TSHZ2: variants seen among roughly 807,000 people sequenced by gnomAD.
TSHZ2 encodes the protein teashirt zinc finger homeobox 2.
A neutral mutation model predicts 74.4 loss-of-function variants in TSHZ2; 21 were observed. The ratio of observed to expected loss-of-function variants is 0.28; its 90% CI spans 0.20 to 0.41. TSHZ2 has a LOEUF of 0.41. TSHZ2 is among the 10% of genes least tolerant of loss of function. The pLI, the probability that TSHZ2 is intolerant of heterozygous loss-of-function variation, is 1.00. For synonymous variants in TSHZ2, 540 were observed against 515.3 expected (o/e 1.05, Z -0.65); for missense variants, 1,244 against 1,293.5 (o/e 0.96, Z 0.59).
intron 1 of TSHZ2, among the ~76,000 whole-genome samples, chr20:53,211,468 T>A (rs1284036117): frequency 6.6e-6 from 1 of 152,034 alleles, no homozygotes; most frequent in Non-Finnish European, 1.5e-5. Context: ...AATGCTTTAC[T>A]TTTGTAGGGC....
At chr20:53,169,434 T>C (rs1424553813) in intron 1 of TSHZ2, among the ~76,000 whole-genome samples, 3 of 152,194 alleles carry the variant, frequency 2.0e-5, no homozygotes, top group Non-Finnish European at 2.9e-5. Flanking sequence ...GCAAATCTGT[T>C]GGTTTTAATT....
chr20:53,168,834 G>A (rs914421833), intron 1 of TSHZ2: 4 of 152,048 alleles, frequency 2.6e-5, no homozygotes, highest in African/African-American at 9.7e-5. Context: ...GCCAGAAACT[G>A]GGAAGAGTGG....
chr20:53,417,096 C>A (rs1983280351), intron 2 of TSHZ2, among the ~76,000 whole-genome samples: 1 of 152,186 alleles, frequency 6.6e-6, no homozygotes. Context: ...TCCTCCCCTG[C>A]ATGACTCTCA....
chr20:53,073,109 C>T (rs1985240206), intron 1 of TSHZ2, among the ~76,000 whole-genome samples: 1 of 150,752 alleles, frequency 6.6e-6, no homozygotes. Flanking sequence ...TCCATCCATC[C>T]CTCCATTCAT....
chr20:53,435,366 G>A (rs1984008890), intron 2 of TSHZ2, among the ~76,000 whole-genome samples: 1 of 152,184 alleles, frequency 6.6e-6, no homozygotes, highest in African/African-American at 2.4e-5. Flanking sequence ...GCACTGCTAA[G>A]ATGACTGTTT....
At chr20:53,064,689 A>AAC (rs111943855) in intron 1 of TSHZ2, among the ~76,000 whole-genome samples, 6,458 of 150,834 alleles carry the variant, frequency 0.043, 207 homozygotes, top group Non-Finnish European at 0.063. Flanking sequence ...TAGACAGAGA[A>AAC]ACACACACAC....
At chr20:53,334,680 T>C (rs1979870070) in intron 2 of TSHZ2, among the ~76,000 whole-genome samples, 1 of 152,108 alleles carries the variant, frequency 6.6e-6, no homozygotes, top group African/African-American at 2.4e-5. Flanking sequence ...GGATTTACTT[T>C]TTTTTTTTCT....
chr20:53,378,228 T>G (rs899527853), intron 2 of TSHZ2, among the ~76,000 whole-genome samples: 2 of 151,498 alleles, frequency 1.3e-5, no homozygotes, highest in African/African-American at 4.8e-5. Flanking sequence ...TAATCCCAAC[T>G]ACTCGGAAAG....
chr20:53,150,726 AAAAG>A (rs906916898), intron 1 of TSHZ2, among the ~76,000 whole-genome samples: 9 of 152,100 alleles, frequency 5.9e-5, no homozygotes, highest in African/African-American at 1.7e-4. Flanking sequence ...GAGGAAAAGA[AAAAG>A]AAGGAGGGAA....
At position 52,974,170 on chromosome 20, in the gene TSHZ2, A is replaced by G. The variant is rs1981242139; in HGVS notation, c.40+837A>G. Among the ~76,000 whole-genome samples, 3 of 152,140 alleles carry G rather than the reference A, an allele frequency of 2.0e-5. No individual in the cohort carries two copies. The South Asian group carries it at 6.2e-4, about 32-fold the overall frequency. On this transcript the variant is annotated intron_variant, in intron 1 of 2. Transcript: ENST00000371497. ...GTTGCTTAATTGCTTTTTTAATAGT[A>G]TGCTGGGGTTTTGTTTCTCGGAAAT...
At chr20:53,454,586 A>C (rs1984971892) in intron 2 of TSHZ2, among the ~76,000 whole-genome samples, 1 of 151,946 alleles carries the variant, frequency 6.6e-6, no homozygotes, top group Admixed American at 6.6e-5. Flanking sequence ...AGTCTTTAAA[A>C]ACTAATGTTA....
At chr20:53,175,393 C>T (rs1255537885) in intron 1 of TSHZ2, among the ~76,000 whole-genome samples, 3 of 152,008 alleles carry the variant, frequency 2.0e-5, no homozygotes, top group Non-Finnish European at 4.4e-5. Context: ...CCACCTGCCT[C>T]GGCCTCCCAA....
chr20:53,426,120 G>C (rs1040925689), intron 2 of TSHZ2, among the ~76,000 whole-genome samples: 1 of 152,166 alleles, frequency 6.6e-6, no homozygotes, highest in African/African-American at 2.4e-5. Context: ...CTGAGTGCTG[G>C]CTTTTTTTCT....
intron 1 of TSHZ2, among the ~76,000 whole-genome samples, chr20:53,224,053 G>A (rs1367604033): frequency 6.6e-6 from 1 of 152,144 alleles, no homozygotes; most frequent in Non-Finnish European, 1.5e-5. Flanking sequence ...GAAAACAGGG[G>A]AAGGATATGG....
At chr20:53,019,242 G>T (rs1243082724) in intron 1 of TSHZ2, among the ~76,000 whole-genome samples, 1 of 120,332 alleles carries the variant, frequency 8.3e-6, no homozygotes, top group African/African-American at 3.5e-5. Context: ...AGTGTTAGTT[G>T]CCTGGGTTTT....
chr20:53,160,745 C>CAAAAA (rs10653039), intron 1 of TSHZ2, among the ~76,000 whole-genome samples: 110 of 95,828 alleles, frequency 1.1e-3, no homozygotes, highest in African/African-American at 4.4e-3. Flanking sequence ...ACTCTGTCTC[C>CAAAAA]AAAAAAAAAA....
chr20:53,152,756 T>C (rs574488101), intron 1 of TSHZ2, among the ~76,000 whole-genome samples: 1 of 152,362 alleles, frequency 6.6e-6, no homozygotes, highest in South Asian at 2.1e-4. Context: ...TATGGTTTTA[T>C]TTTTTGTCTG....
At chr20:53,233,735 G>A (rs1369359954) in intron 1 of TSHZ2, among the ~76,000 whole-genome samples, 10 of 152,198 alleles carry the variant, frequency 6.6e-5, no homozygotes, top group South Asian at 4.2e-4. Flanking sequence ...GGAGAAGGAG[G>A]AAGAACTTGG....
At chr20:53,231,984 A>G (rs1306835469) in intron 1 of TSHZ2, among the ~76,000 whole-genome samples, 2 of 152,164 alleles carry the variant, frequency 1.3e-5, no homozygotes, top group African/African-American at 4.8e-5. Flanking sequence ...TCCTGGGCTC[A>G]AGCCATCCTC....
Sources: gnomAD v4.1 joint callset for allele counts (sites outside exome capture counted in the v4.1 genomes callset) on GRCh38, gnomAD v4.1.1 for gene constraint, MANE v1.5 for transcripts, NCBI Gene and HGNC (gene_info 2026-07-23, HGNC 2026-07-21) for gene names.